The following PGM5 variants were observed in gnomAD, a reference collection of about 807,000 sequenced individuals.
PGM5 encodes phosphoglucomutase 5.
Under a neutral mutation model 59.2 loss-of-function variants are expected in PGM5, and 23 were observed. That is an observed-to-expected ratio of 0.39 (90% confidence interval 0.28 to 0.55). The LOEUF (loss-of-function observed/expected upper bound fraction) is 0.55. PGM5 is among the 20% of genes least tolerant of loss of function. The pLI is 0.66. For missense variants in PGM5, 574 were observed against 748.3 expected, an observed-to-expected ratio of 0.77 and a Z score of 2.72; for synonymous variants, 214 against 286.0, an observed-to-expected ratio of 0.75 and a Z score of 2.54.
At chr9:68,521,663 A>T (rs1301784688) in intron 10 of PGM5, among the ~76,000 whole-genome samples, 1 of 152,178 alleles carries the variant, frequency 6.6e-6, no homozygotes, top group Admixed American at 6.5e-5. Flanking sequence ...AGGGATGGGG[A>T]TCTGAACCAA....
chr9:68,385,447 T>C (rs1345715528), intron 3 of PGM5, among the ~76,000 whole-genome samples: 3 of 152,062 alleles, frequency 2.0e-5, no homozygotes, highest in African/African-American at 4.8e-5. Flanking sequence ...AAGATTAAAA[T>C]GGATTGTGTG....
chr9:68,415,045 G>A (rs1822999782), intron 6 of PGM5, among the ~76,000 whole-genome samples: 1 of 148,978 alleles, frequency 6.7e-6, no homozygotes, highest in African/African-American at 2.6e-5. Context: ...GGAAAAGAAG[G>A]CACCATGTTA....
intron 4 of PGM5, among the ~76,000 whole-genome samples, chr9:68,390,164 G>A (rs1763903581): frequency 1.3e-5 from 2 of 151,934 alleles, no homozygotes; most frequent in Admixed American, 1.3e-4. Flanking sequence ...CTTCTCCATG[G>A]GCCTTACTCT....
intron 6 of PGM5, among the ~76,000 whole-genome samples, chr9:68,420,608 C>G (rs1416637408): frequency 6.6e-6 from 1 of 152,134 alleles, no homozygotes; most frequent in Non-Finnish European, 1.5e-5. Context: ...AATTGAGAGG[C>G]TGACTATTGC....
chr9:68,508,557 C>A (rs1824693731), intron 10 of PGM5, among the ~76,000 whole-genome samples: 2 of 152,294 alleles, frequency 1.3e-5, no homozygotes, highest in Admixed American at 6.5e-5. Context: ...ATGTCTAAAG[C>A]ACATGCTTAA....
At chr9:68,408,934 T>C (rs1391588895) in intron 6 of PGM5, among the ~76,000 whole-genome samples, 36 of 152,284 alleles carry the variant, frequency 2.4e-4, no homozygotes, top group African/African-American at 8.2e-4. Context: ...CATTGATCTA[T>C]ATCTCTGTTT....
chr9:68,457,282 C>T (rs2132074458), intron 6 of PGM5, among the ~76,000 whole-genome samples: 3 of 152,138 alleles, frequency 2.0e-5, no homozygotes, highest in East Asian at 1.9e-4. Flanking sequence ...TTCTTTATTC[C>T]CCCCTCATAG....
chr9:68,379,729 G>A (rs1373566099), intron 2 of PGM5, among the ~76,000 whole-genome samples: 1 of 151,884 alleles, frequency 6.6e-6, no homozygotes, highest in African/African-American at 2.4e-5. Flanking sequence ...TTTAAGAATA[G>A]GCATATATTG....
intron 10 of PGM5, 65 bp from the exon 11 acceptor site, chr9:68,529,502 C>T: frequency 9.0e-7 from 1 of 1,108,738 alleles, no homozygotes; most frequent in East Asian, 2.6e-5. Context: ...TGGTAGAAAT[C>T]CATCAGAATG....
In PGM5 at chr9:68,381,030, C is replaced by G. The variant is rs138648688; in HGVS notation, c.424+2669C>G. 9.2e-3 allele frequency among the ~76,000 whole-genome samples: 1,404 copies of G among 152,000 alleles called. 10 individuals carry two copies. The highest frequency in any genetic ancestry group is 0.015 in the Non-Finnish European group (1,000 of 67,802). ...CAAAGAATAATTATTACCAACACTTCTTAGACTCTTCCAAAAATTAGAGCT... is the reference window on the plus strand; with the variant it reads ...CAAAGAATAATTATTACCAACACTTGTTAGACTCTTCCAAAAATTAGAGCT... On this transcript the variant is annotated intron_variant, in intron 2 of 10. Coordinates refer to ENST00000396396, the MANE Select transcript of PGM5 (RefSeq NM_021965.4).
At chr9:68,360,758 A>G (rs1427303722) in intron 1 of PGM5, among the ~76,000 whole-genome samples, 2 of 152,208 alleles carry the variant, frequency 1.3e-5, no homozygotes, top group Non-Finnish European at 2.9e-5. Context: ...AAGTATATTA[A>G]AGAAAATGAT....
At chr9:68,441,669 C>A (rs187848639) in intron 6 of PGM5, among the ~76,000 whole-genome samples, 31 of 152,218 alleles carry the variant, frequency 2.0e-4, no homozygotes, top group Non-Finnish European at 3.7e-4. Flanking sequence ...AGACTGAACA[C>A]CTTTCCCCTA....
At chr9:68,380,086 A>G (rs1447144183) in intron 2 of PGM5, among the ~76,000 whole-genome samples, 1 of 151,794 alleles carries the variant, frequency 6.6e-6, no homozygotes, top group African/African-American at 2.4e-5. Flanking sequence ...AATTTGAACT[A>G]TACTTCAGAC....
chr9:68,422,939 A>C (rs1554682454), intron 6 of PGM5, among the ~76,000 whole-genome samples: 1 of 152,018 alleles, frequency 6.6e-6, no homozygotes, highest in African/African-American at 2.4e-5. Context: ...GCATCCTCAT[A>C]GCTTAGCTCC....
At chr9:68,476,442 T>A (rs1435856714) in intron 7 of PGM5, among the ~76,000 whole-genome samples, 1 of 152,226 alleles carries the variant, frequency 6.6e-6, no homozygotes, top group East Asian at 1.9e-4. Flanking sequence ...TTTACTCTGT[T>A]TATAGTGGGG....
chr9:68,447,049 G>A (rs782643349), intron 6 of PGM5, among the ~76,000 whole-genome samples: 1 of 152,266 alleles, frequency 6.6e-6, no homozygotes, highest in Non-Finnish European at 1.5e-5. Context: ...TGCGTGCAGG[G>A]AAAACATCCC....
At chr9:68,433,330 CTTTACCTTT>C (rs1462017550) in intron 6 of PGM5, among the ~76,000 whole-genome samples, 7 of 152,198 alleles carry the variant, frequency 4.6e-5, no homozygotes, top group Non-Finnish European at 1.0e-4. Flanking sequence ...TCCCATGAGC[CTTTACCTTT>C]ACAAATTGAT....
At chr9:68,518,651 T>G (rs1824856329) in intron 10 of PGM5, among the ~76,000 whole-genome samples, 1 of 152,196 alleles carries the variant, frequency 6.6e-6, no homozygotes, top group African/African-American at 2.4e-5. Flanking sequence ...AGAATATCAG[T>G]GAACTTAAAA....
chr9:68,466,052 G>T, intron 7 of PGM5: 5 of 852,880 alleles, frequency 5.9e-6, no homozygotes, highest in South Asian at 1.7e-5. Flanking sequence ...TTTGTCTCTT[G>T]TCCTTCTGAG....
Sources: allele counts gnomAD v4.1 joint callset (sites outside exome capture counted in the v4.1 genomes callset), GRCh38; gene constraint gnomAD v4.1.1; transcripts MANE v1.5; gene names NCBI Gene and HGNC (gene_info 2026-07-23, HGNC 2026-07-21).